Variants in CLU observed in about 807,000 individuals in gnomAD.
The protein encoded by CLU is aging-associated protein 4.
A neutral mutation model predicts 46.4 loss-of-function variants in CLU; 25 were observed. The observed-to-expected ratio is 0.54, with a 90% CI of 0.39 to 0.75. The LOEUF is 0.75. Ranked by LOEUF, CLU falls within the 30% of genes least tolerant of loss-of-function variation. The pLI is 0.00. For synonymous variants in CLU, 235 were observed against 235.1 expected, an observed-to-expected ratio of 1.00 and a Z score of 0.00; for missense variants, 504 against 592.1, an observed-to-expected ratio of 0.85 and a Z score of 1.54.
chr8:27,597,816 C>T lies in CLU; in HGVS notation c.*425G>A, dbSNP rs1300510429. The T allele has an allele frequency of 2.2e-6, 1 of 463,128 alleles. No homozygotes were observed. The highest frequency in any genetic ancestry group is 1.5e-5 in the South Asian group (1 of 64,544). 28.7% of individuals were successfully genotyped at this position (463,128 alleles called of 1,614,324 possible). ...AATTCTTGAAGTGGATCAACCTTGT[C>T]ATCATATCCCTTTTATTCTTCACCC... On this transcript the variant is annotated 3_prime_UTR_variant, in exon 9 of 9. Coordinates refer to ENST00000316403, the MANE Select transcript of CLU (RefSeq NM_001831.4).
At position 27,597,254 on chromosome 8, in the gene CLU, C is replaced by G; in HGVS notation, c.*987G>C. The G allele has an allele frequency of 2.2e-6, 1 of 453,458 alleles. No homozygotes were observed. The highest frequency in any genetic ancestry group is 4.4e-6 in the Non-Finnish European group (1 of 226,774). The allele number at this position is 453,458 out of a possible 1,614,324, so 28.1% of individuals were successfully genotyped here. A position where few individuals can be genotyped will look rare whatever the true frequency, so the allele number is the denominator to read the frequency against. On this transcript the variant is annotated 3_prime_UTR_variant, in exon 9 of 9. Transcript: ENST00000316403. ...TGCAGTACATCTGATGACCAGAATT[C>G]TATCAGAGAATGTTAATGAACGAAA...
At position 27,604,322 on chromosome 8, in the gene CLU, C is replaced by T; in HGVS notation, c.903G>A (p.Gln301=). Residue 301 remains glutamine, a synonymous_variant, in exon 6 of 9, where the codon CAG becomes CAA. Transcript: ENST00000316403. ...NSTGCLRMKD[Q]CDKCREILSV... is the part of the protein sequence containing the mutation. The stretch of plus-strand genomic sequence containing the variant: ...ACAAGATCTCCCGGCACTTGTCACA[C>T]TGGTCCTTCATCCGCAGGCAGCCCG... The T allele has an allele frequency of 6.2e-7, 1 of 1,614,130 alleles. No individual in the cohort carries two copies. The highest frequency in any genetic ancestry group is 8.5e-7 in the Non-Finnish European group (1 of 1,180,002).
intron 2 of CLU, 67 bp from the exon 3 acceptor site, chr8:27,609,153 G>A (rs2128909964): frequency 6.4e-7 from 1 of 1,569,942 alleles, no homozygotes; most frequent in Non-Finnish European, 8.7e-7. Context: ...CCTGGAATGA[G>A]CTGGATGGCC....
intron 1 of CLU, chr8:27,611,738 A>C: frequency 2.2e-6 from 1 of 457,718 alleles, no homozygotes; most frequent in Non-Finnish European, 4.4e-6. Flanking sequence ...ATGAGAAGTA[A>C]TCAGGCGCAA....
intron 3 of CLU, among the ~76,000 whole-genome samples, 159 bp from the exon 4 acceptor site, chr8:27,606,683 C>G (rs1800828439): frequency 6.6e-6 from 1 of 152,244 alleles, no homozygotes; most frequent in Non-Finnish European, 1.5e-5. Flanking sequence ...CAAGCTTCCC[C>G]TCATTCGCCC....
At chr8:27,610,356 A>G in intron 2 of CLU, 119 bp downstream of exon 2, 1 of 852,592 alleles carries the variant, frequency 1.2e-6, no homozygotes, top group Non-Finnish European at 2.0e-6. Flanking sequence ...CCCAGTGCAC[A>G]AGATAAAAAC....
intron 1 of CLU, chr8:27,611,673 C>A (rs1175354830): frequency 2.2e-6 from 1 of 457,776 alleles, no homozygotes; most frequent in Non-Finnish European, 4.4e-6. Context: ...AAAGCCCGCT[C>A]AGCCCAGCAG....
At chr8:27,609,531 G>A (rs1800884590) in intron 2 of CLU, among the ~76,000 whole-genome samples, 1 of 152,226 alleles carries the variant, frequency 6.6e-6, no homozygotes, top group Admixed American at 6.5e-5. Context: ...CAGGCGACAG[G>A]AATAAGAAGA....
intron 6 of CLU, among the ~76,000 whole-genome samples, chr8:27,601,320 G>C (rs1474517662): frequency 6.6e-6 from 1 of 152,234 alleles, no homozygotes; most frequent in Non-Finnish European, 1.5e-5. Context: ...AAGGTGCTGG[G>C]ATTACAGGTG....
At chr8:27,603,174 G>C (rs1378140573) in intron 6 of CLU, among the ~76,000 whole-genome samples, 1 of 152,182 alleles carries the variant, frequency 6.6e-6, no homozygotes, top group East Asian at 1.9e-4. Context: ...CTGGGCACAG[G>C]CATCTGGACA....
At chr8:27,614,504 C>T (rs1800979639) in intron 1 of CLU, 151 bp downstream of exon 1, 1 of 355,106 alleles carries the variant, frequency 2.8e-6, no homozygotes, top group African/African-American at 2.2e-5. Context: ...GCTCCGGCCA[C>T]CTCCCCTCCC....
chr8:27,602,472 G>C (rs887480074), intron 6 of CLU, among the ~76,000 whole-genome samples: 1 of 152,000 alleles, frequency 6.6e-6, no homozygotes, highest in Non-Finnish European at 1.5e-5. Flanking sequence ...GCATGGTGGA[G>C]CACACCTGTA....
intron 6 of CLU, among the ~76,000 whole-genome samples, chr8:27,601,454 C>T (rs1345194730): frequency 1.3e-5 from 2 of 152,228 alleles, no homozygotes; most frequent in Admixed American, 6.5e-5. Flanking sequence ...TGCCTGCCCA[C>T]CTGCCCGCCC....
intron 1 of CLU, chr8:27,613,937 A>G (rs972026196): frequency 1.3e-5 from 2 of 152,206 alleles, no homozygotes; most frequent in African/African-American, 4.8e-5. Context: ...GAAGGTCAAG[A>G]GGCTTTGGCT....
At chr8:27,607,842 A>C (rs1019286855) in intron 3 of CLU, among the ~76,000 whole-genome samples, 5 of 151,284 alleles carry the variant, frequency 3.3e-5, no homozygotes, top group Non-Finnish European at 7.4e-5. Flanking sequence ...AGGACAACCC[A>C]CCTCCCACTG....
Position 27,599,459 on chromosome 8 carries a change from T to G in CLU, c.1164+321A>C. ...GAAAAGAACAGAGGCTTCTGGTTTA[T>G]TCACAGATTTGTGCACCAAAACAAA... On this transcript the variant is annotated intron_variant, in intron 7 of 8. Transcript: ENST00000316403. This position sits in a 1 kb window ranked among gnomAD's most constrained non-coding sequence, Gnocchi z 4.0. The G allele has an allele frequency of 2.7e-6, 1 of 371,838 alleles. No homozygotes were observed. The highest frequency in any genetic ancestry group is 5.1e-6 in the Non-Finnish European group (1 of 196,690). The allele number at this position is 371,838 out of a possible 1,614,324, so 23.0% of individuals were successfully genotyped here.
At chr8:27,611,867 C>G (rs955795139) in intron 1 of CLU, 1 of 420,054 alleles carries the variant, frequency 2.4e-6, no homozygotes, top group Non-Finnish European at 4.8e-6. Flanking sequence ...GCCCCAGCTG[C>G]CCACTGAGCC....
At chr8:27,610,739 G>A (rs1800911373) in intron 1 of CLU, 139 bp from the exon 2 acceptor site, 2 of 670,592 alleles carry the variant, frequency 3.0e-6, no homozygotes, top group Non-Finnish European at 2.7e-6. Context: ...TTTTATTCCT[G>A]AGGAAATGGG....
chr8:27,597,941 A>C lies in CLU; in HGVS notation c.*300T>G. On this transcript the variant is annotated 3_prime_UTR_variant, in exon 9 of 9. Coordinates refer to ENST00000316403, the MANE Select transcript of CLU (RefSeq NM_001831.4). ...CCCCCTGCCTGCCCCCCATAGCAAA[A>C]TGAAGGCATGCCGGGAAGCAGCAAC... The C allele has an allele frequency of 1.6e-6, 1 of 621,594 alleles. No homozygotes were observed. 38.5% of individuals were successfully genotyped at this position (621,594 alleles called of 1,614,324 possible). A position where few individuals can be genotyped will look rare whatever the true frequency, so the allele number is the denominator to read the frequency against.
Sources: gnomAD v4.1 joint callset for allele counts (sites outside exome capture counted in the v4.1 genomes callset) on GRCh38, gnomAD v4.1.1 for gene constraint, Gnocchi (gnomAD v3.1) non-coding constraint, MANE v1.5 for transcripts, NCBI Gene and HGNC (gene_info 2026-07-23, HGNC 2026-07-21) for gene names.